ADORA2B: variants seen among roughly 807,000 people sequenced by gnomAD.
The protein encoded by ADORA2B is adenosine receptor A2b.
Under a neutral mutation model 20.8 loss-of-function variants are expected in ADORA2B, and 18 were observed. The ratio of observed to expected loss-of-function variants is 0.87; its 90% CI spans 0.60 to 1.29. ADORA2B has a LOEUF of 1.29. Among genes scored for constraint, ADORA2B ranks in the 50% most tolerant of loss-of-function variants. The pLI is 0.00. For synonymous variants in ADORA2B, 179 were observed against 178.3 expected (o/e 1.00, Z -0.03); for missense variants, 441 against 422.7 (o/e 1.04, Z -0.38).
At chr17:15,878,354 G>A in the ADORA2B span, among the ~76,000 whole-genome samples, 1 of 152,198 alleles carries the variant, frequency 6.6e-6, no homozygotes, top group African/African-American at 2.4e-5. Context: ...GTTCCCTTCT[G>A]TGGCTCTGTG....
rs997397593 is a variant in ADORA2B at position 15,945,691 on chromosome 17, G to C, written c.335+108G>C. 3.8e-5 allele frequency: 40 copies of C among 1,054,780 alleles called. No individual in the cohort carries two copies. The Middle Eastern group carries it at 9.1e-4, about 24-fold the overall frequency. 65.3% of individuals were successfully genotyped at this position (1,054,780 alleles called of 1,614,324 possible). ...TCGGGGGCCCCAGACGGGCCAGGCT[G>C]GGGGCGCGCGGGGCGCTTGGAGGGC... On this transcript the variant is annotated intron_variant, in intron 1 of 1. Transcript: ENST00000304222.
At chr17:15,872,380 T>G in the ADORA2B span, among the ~76,000 whole-genome samples, 1 of 152,188 alleles carries the variant, frequency 6.6e-6, no homozygotes, top group Admixed American at 6.5e-5. Flanking sequence ...TAGGATCGCT[T>G]TGGCTATTCA....
the ADORA2B span, among the ~76,000 whole-genome samples, chr17:15,868,543 C>T: frequency 2.2e-5 from 3 of 135,206 alleles, no homozygotes; most frequent in African/African-American, 5.2e-5. Context: ...GAGGCCGAGG[C>T]GGGCGGATAA....
chr17:15,902,007 C>T, the ADORA2B span, among the ~76,000 whole-genome samples: 260 of 152,232 alleles, frequency 1.7e-3, 2 homozygotes, highest in Non-Finnish European at 6.9e-4. Context: ...CGGCACTCTG[C>T]GCCCATTAAA....
At chr17:15,875,841 A>C in the ADORA2B span, among the ~76,000 whole-genome samples, 2 of 152,216 alleles carry the variant, frequency 1.3e-5, no homozygotes, top group Non-Finnish European at 2.9e-5. Flanking sequence ...TCGGCCTCCC[A>C]AAGTGCTGGA....
At chr17:15,864,813 T>G in the ADORA2B span, among the ~76,000 whole-genome samples, 1 of 152,056 alleles carries the variant, frequency 6.6e-6, no homozygotes, top group Non-Finnish European at 1.5e-5. Context: ...GTTCCTGTAA[T>G]CCTTTAAGTA....
chr17:15,863,230 T>C, the ADORA2B span, among the ~76,000 whole-genome samples: 2 of 152,216 alleles, frequency 1.3e-5, no homozygotes, highest in Admixed American at 1.3e-4. Context: ...TCTTTCATAG[T>C]GAAAAGTTAA....
At chr17:15,863,091 C>T in the ADORA2B span, among the ~76,000 whole-genome samples, 8 of 151,942 alleles carry the variant, frequency 5.3e-5, no homozygotes, top group East Asian at 1.9e-4. Context: ...TGTTTATGTG[C>T]GCGAGATTTA....
the ADORA2B span, among the ~76,000 whole-genome samples, chr17:15,868,775 A>G: frequency 2.0e-5 from 3 of 147,906 alleles, no homozygotes; most frequent in Admixed American, 1.3e-4. Context: ...GTGAGACTCC[A>G]TCTCCAAAAA....
chr17:15,952,855 G>A (rs77852734), intron 1 of ADORA2B, among the ~76,000 whole-genome samples: 484 of 152,324 alleles, frequency 3.2e-3, no homozygotes, highest in African/African-American at 0.011. Flanking sequence ...CTTTAGCCAT[G>A]GTTATTCTCT....
the ADORA2B span, among the ~76,000 whole-genome samples, chr17:15,892,646 CTTT>C: frequency 3.4e-5 from 5 of 146,142 alleles, no homozygotes; most frequent in African/African-American, 1.1e-4. Flanking sequence ...TTCTTTTTTT[CTTT>C]CTTTCTTTTT....
chr17:15,923,206 A>ATTCTTTTTTTTTTTTTT, the ADORA2B span, among the ~76,000 whole-genome samples: 18 of 113,516 alleles, frequency 1.6e-4, no homozygotes, highest in African/African-American at 6.1e-4. Context: ...TCTTTTTTTA[A>ATTCTTTTTTTTTTTTTT]TTTTTTTTTT....
At chr17:15,960,941 G>T (rs1424128802) in intron 1 of ADORA2B, among the ~76,000 whole-genome samples, 1 of 150,838 alleles carries the variant, frequency 6.6e-6, no homozygotes, top group Non-Finnish European at 1.5e-5. Context: ...GCCGAGGCGG[G>T]CGATTCACGA....
chr17:15,963,692 G>A (rs1004175687), intron 1 of ADORA2B, among the ~76,000 whole-genome samples: 2 of 152,186 alleles, frequency 1.3e-5, no homozygotes, highest in Non-Finnish European at 2.9e-5. Flanking sequence ...GGAACTCTGG[G>A]AGACCTGGTC....
chr17:15,896,947 T>G, the ADORA2B span, among the ~76,000 whole-genome samples: 4 of 152,200 alleles, frequency 2.6e-5, no homozygotes, highest in East Asian at 3.8e-4. Flanking sequence ...TTTTTCAGCT[T>G]CTTTAGTGGG....
At chr17:15,887,906 G>A in the ADORA2B span, among the ~76,000 whole-genome samples, 171 of 91,484 alleles carry the variant, frequency 1.9e-3, 40 homozygotes, top group African/African-American at 7.5e-3. Flanking sequence ...AGCCGAAATC[G>A]TGCCACTGCA....
At chr17:15,967,009 G>A (rs1482177747) in intron 1 of ADORA2B, among the ~76,000 whole-genome samples, 1 of 152,216 alleles carries the variant, frequency 6.6e-6, no homozygotes, top group East Asian at 1.9e-4. Context: ...ATGGACAAAC[G>A]CATGCAGACC....
chr17:15,961,528 G>A (rs1970042937), intron 1 of ADORA2B, among the ~76,000 whole-genome samples: 1 of 152,056 alleles, frequency 6.6e-6, no homozygotes, highest in South Asian at 2.1e-4. Context: ...TCACTGTAAG[G>A]GTATGTTTTC....
chr17:15,944,701 C>T (rs1322857268), upstream of ADORA2B, among the ~76,000 whole-genome samples: 1 of 152,094 alleles, frequency 6.6e-6, no homozygotes, highest in Non-Finnish European at 1.5e-5. The surrounding 1 kb of genome is among the most constrained non-coding windows in gnomAD (Gnocchi z 4.8). Flanking sequence ...GCCCGGCAGC[C>T]CCCCATCCAG....
Sources: gnomAD v4.1 joint callset for allele counts (sites outside exome capture counted in the v4.1 genomes callset) on GRCh38, gnomAD v4.1.1 for gene constraint, Gnocchi (gnomAD v3.1) non-coding constraint, MANE v1.5 for transcripts, NCBI Gene and HGNC (gene_info 2026-07-23, HGNC 2026-07-21) for gene names.